FRMD4A: variants seen among roughly 807,000 people sequenced by gnomAD.
FRMD4A encodes the protein FERM domain-containing protein 4A.
FRMD4A carries 29 observed loss-of-function variants against 129.1 expected under a neutral mutation model. That is an observed-to-expected ratio of 0.22 (90% CI 0.17 to 0.31). FRMD4A has a LOEUF of 0.31. Among genes scored for constraint, FRMD4A ranks in the 10% least tolerant of loss-of-function variants. The pLI is 1.00. For synonymous variants in FRMD4A, 634 were observed against 571.6 expected, an observed-to-expected ratio of 1.11 and a Z score of -1.56; for missense variants, 1,272 against 1,375.8, an observed-to-expected ratio of 0.92 and a Z score of 1.19.
At chr10:14,039,368 G>GTCCGTCCGTCCGTCCGTCCA (rs554051462) in intron 2 of FRMD4A, among the ~76,000 whole-genome samples, 2 of 109,440 alleles carry the variant, frequency 1.8e-5, no homozygotes, top group African/African-American at 8.9e-5. Flanking sequence ...CTGTCCGTCC[G>GTCCGTCCGTCCGTCCGTCCA]TCCATCCATC....
At chr10:13,968,024 G>C (rs1182864699) in intron 2 of FRMD4A, among the ~76,000 whole-genome samples, 1 of 152,164 alleles carries the variant, frequency 6.6e-6, no homozygotes, top group Non-Finnish European at 1.5e-5. Flanking sequence ...CAGCGGGGGC[G>C]CTTAAGACAT....
At chr10:13,959,988 A>C (rs1456193834) in intron 2 of FRMD4A, among the ~76,000 whole-genome samples, 1 of 152,218 alleles carries the variant, frequency 6.6e-6, no homozygotes, top group Non-Finnish European at 1.5e-5. Context: ...AAATCACAAA[A>C]TGCTTGCCTT....
At chr10:13,707,915 T>A in intron 12 of FRMD4A, 8 of 984,584 alleles carry the variant, frequency 8.1e-6, no homozygotes, top group Non-Finnish European at 9.6e-6. Flanking sequence ...ACTGTAATGT[T>A]TGGAAGTAAT....
At chr10:14,063,577 T>C (rs1455681151) in intron 2 of FRMD4A, among the ~76,000 whole-genome samples, 1 of 150,408 alleles carries the variant, frequency 6.6e-6, no homozygotes, top group Non-Finnish European at 1.5e-5. Context: ...AAAAAAGTCA[T>C]ATACTTGAAT....
At chr10:13,679,513 T>C (rs942730570) in intron 15 of FRMD4A, among the ~76,000 whole-genome samples, 4 of 92,980 alleles carry the variant, frequency 4.3e-5, no homozygotes, top group African/African-American at 1.7e-4. Context: ...ACACACACAG[T>C]GTTCACAAAC....
intron 2 of FRMD4A, among the ~76,000 whole-genome samples, chr10:13,869,492 C>T (rs1182282632): frequency 1.3e-5 from 2 of 152,370 alleles, no homozygotes; most frequent in Admixed American, 6.5e-5. Context: ...TCACCCTCCT[C>T]ACGCCTGGCA....
intron 2 of FRMD4A, among the ~76,000 whole-genome samples, chr10:14,253,420 T>A (rs1339558325): frequency 6.6e-6 from 1 of 152,244 alleles, no homozygotes; most frequent in Non-Finnish European, 1.5e-5. Flanking sequence ...GTAATTGCTA[T>A]AGCAAGTGGA....
At chr10:14,150,950 G>GT (rs1301989584) in intron 2 of FRMD4A, among the ~76,000 whole-genome samples, 1 of 152,218 alleles carries the variant, frequency 6.6e-6, no homozygotes, top group Non-Finnish European at 1.5e-5. Flanking sequence ...AGAAATCTCA[G>GT]TTTAGCATCA....
intron 12 of FRMD4A, among the ~76,000 whole-genome samples, chr10:13,730,598 G>A (rs1022120327): frequency 1.3e-5 from 2 of 151,982 alleles, no homozygotes; most frequent in African/African-American, 2.4e-5. Context: ...CCAGTAGGAC[G>A]GTAATTTGTG....
intron 2 of FRMD4A, among the ~76,000 whole-genome samples, chr10:13,907,941 G>C (rs1380608503): frequency 1.1e-4 from 16 of 151,240 alleles, no homozygotes; most frequent in Non-Finnish European, 2.2e-4. Flanking sequence ...CGAGGCAGGC[G>C]GATCACCTGA....
In FRMD4A at chr10:13,834,327, C is replaced by A. The variant is rs111444598; in HGVS notation, c.112-23419G>T. ...CACCAACAACAAAACAAAACAAAACCAAACCAAAAAAACAAGCAGCCAGGC... is the reference window on the plus strand; with the variant it reads ...CACCAACAACAAAACAAAACAAAACAAAACCAAAAAAACAAGCAGCCAGGC... On this transcript the variant is annotated intron_variant, in intron 3 of 24. Transcript: ENST00000357447. 1.8e-3 allele frequency among the ~76,000 whole-genome samples: 275 copies of A among 151,912 alleles called. 2 individuals are homozygous for A. Among genetic ancestry groups the A allele is most frequent in the Middle Eastern group, 6.8e-3 (2 of 294 alleles).
At chr10:14,142,458 G>A (rs956585571) in intron 2 of FRMD4A, among the ~76,000 whole-genome samples, 2 of 152,184 alleles carry the variant, frequency 1.3e-5, no homozygotes, top group African/African-American at 2.4e-5. Flanking sequence ...TTCATCATAT[G>A]CCCTAAGAGA....
intron 2 of FRMD4A, among the ~76,000 whole-genome samples, chr10:14,185,459 A>G (rs767202678): frequency 3.3e-5 from 5 of 152,262 alleles, no homozygotes; most frequent in African/African-American, 4.8e-5. Flanking sequence ...GGCAGAAATT[A>G]GTACAAAAAA....
intron 12 of FRMD4A, among the ~76,000 whole-genome samples, chr10:13,733,466 G>A (rs141869013): frequency 2.9e-4 from 44 of 151,840 alleles, no homozygotes; most frequent in Admixed American, 5.9e-4. Flanking sequence ...ATGGAGTCTC[G>A]CTCTGGAGTG....
At chr10:13,775,793 C>A (rs1318551435) in intron 6 of FRMD4A, among the ~76,000 whole-genome samples, 2 of 152,004 alleles carry the variant, frequency 1.3e-5, no homozygotes, top group Non-Finnish European at 2.9e-5. Context: ...CAAAATCAAA[C>A]CAAAGAGGAA....
chr10:14,330,807 A>G lies in FRMD4A; in HGVS notation c.-292T>C, dbSNP rs1843488890. 2 of 398,618 alleles carry G rather than the reference A, an allele frequency of 5.0e-6. No homozygotes were observed. Among genetic ancestry groups the G allele is most frequent in the South Asian group, 1.3e-4 (1 of 7,852 alleles). The allele number at this position is 398,618 out of a possible 1,614,324, so 24.7% of individuals were successfully genotyped here. A position where few individuals can be genotyped will look rare whatever the true frequency, so the allele number is the denominator to read the frequency against. ...AGATCTACTTTTCCTCTCCAAGTAG[A>G]CTGGCCAGCTCAGCTCCCGGTAGGG... On this transcript the variant is annotated 5_prime_UTR_variant, in exon 1 of 25. Transcript: ENST00000357447.
At chr10:14,145,278 T>A (rs919496076) in intron 2 of FRMD4A, among the ~76,000 whole-genome samples, 1 of 152,226 alleles carries the variant, frequency 6.6e-6, no homozygotes, top group African/African-American at 2.4e-5. Context: ...GAAGAGTCAC[T>A]TAATTAACCT....
chr10:13,926,066 C>T (rs762741384), intron 2 of FRMD4A, among the ~76,000 whole-genome samples: 11 of 152,080 alleles, frequency 7.2e-5, no homozygotes, highest in Admixed American at 2.0e-4. Flanking sequence ...GGAGGAAATT[C>T]GTGGCTGCAG....
At chr10:14,133,474 C>G (rs1839373368) in intron 2 of FRMD4A, among the ~76,000 whole-genome samples, 1 of 152,166 alleles carries the variant, frequency 6.6e-6, no homozygotes, top group Non-Finnish European at 1.5e-5. Flanking sequence ...GATGCTTGGG[C>G]ATCTCAACAA....
Sources: allele counts gnomAD v4.1 joint callset (sites outside exome capture counted in the v4.1 genomes callset), GRCh38; gene constraint gnomAD v4.1.1; transcripts MANE v1.5; gene names NCBI Gene and HGNC (gene_info 2026-07-23, HGNC 2026-07-21).